The following TECRL variants were observed in gnomAD, a reference collection of about 807,000 sequenced individuals.
TECRL encodes the protein trans-2,3-enoyl-CoA reductase-like.
In TECRL, 63 loss-of-function variants were observed where a neutral mutation model predicts 52.8. The ratio of observed to expected loss-of-function variants is 1.19; its 90% CI spans 0.97 to 1.47. TECRL has a LOEUF of 1.47. TECRL is among the 40% of genes most tolerant of loss of function. The pLI is 0.00. For missense variants in TECRL, 482 were observed against 429.6 expected, an observed-to-expected ratio of 1.12 and a Z score of -1.08; for synonymous variants, 164 against 141.9, an observed-to-expected ratio of 1.16 and a Z score of -1.10.
intron 9 of TECRL, among the ~76,000 whole-genome samples, chr4:64,289,252 G>A (rs1723244509): frequency 6.6e-6 from 1 of 152,008 alleles, no homozygotes; most frequent in Non-Finnish European, 1.5e-5. Flanking sequence ...TGTTCTCCCA[G>A]GCATTGATAT....
intron 2 of TECRL, among the ~76,000 whole-genome samples, chr4:64,355,794 CA>C (rs1161940429): frequency 2.3e-4 from 28 of 119,696 alleles, no homozygotes; most frequent in African/African-American, 2.5e-4. Context: ...GACTCTGTCT[CA>C]AAAAAAAAAA....
intron 6 of TECRL, among the ~76,000 whole-genome samples, chr4:64,308,400 G>A (rs1346669248): frequency 4.6e-5 from 7 of 152,054 alleles, no homozygotes; most frequent in South Asian, 2.1e-4. Flanking sequence ...ACAGGCTTTC[G>A]TTAGGCACTC....
chr4:64,283,410 A>T (rs1722928090), intron 9 of TECRL, among the ~76,000 whole-genome samples: 1 of 152,088 alleles, frequency 6.6e-6, no homozygotes, highest in Admixed American at 6.6e-5. Context: ...GCCTGCAATG[A>T]GTACTCCATA....
At position 64,375,205 on chromosome 4, in the gene TECRL, T is replaced by G. The variant is rs1294718887; in HGVS notation, c.253A>C (p.Ile85Leu). The G allele has an allele frequency of 7.1e-7, 1 of 1,408,004 alleles. No individual in the cohort carries two copies. The highest frequency in any genetic ancestry group is 1.5e-5 in the South Asian group (1 of 65,332). The allele number at this position is 1,408,004 out of a possible 1,614,324, so 87.2% of individuals were successfully genotyped here. Residue 85 changes from isoleucine to leucine, a missense_variant, in exon 2 of 12, where the codon ATT becomes CTT. Physicochemically the swap from Ile to Leu is conservative, Grantham distance 5. Coordinates refer to ENST00000381210, the MANE Select transcript of TECRL (RefSeq NM_001010874.5). ...ILDKVTQSST[I>L]HDVKQKFHKA... Reference sequence around the variant, plus strand: ...TGAAACTTTTGCTTAACATCATGAATAGTAGATGATTGTGTCACCTGAAAA... The same window carrying G: ...TGAAACTTTTGCTTAACATCATGAAGAGTAGATGATTGTGTCACCTGAAAA...
chr4:64,353,336 A>G (rs1447845606), intron 2 of TECRL, among the ~76,000 whole-genome samples: 2 of 152,200 alleles, frequency 1.3e-5, no homozygotes, highest in African/African-American at 2.4e-5. Context: ...GTACTAAAGA[A>G]TGGATAAAAT....
At chr4:64,329,333 G>A (rs1214983297) in intron 2 of TECRL, among the ~76,000 whole-genome samples, 2 of 151,692 alleles carry the variant, frequency 1.3e-5, no homozygotes, top group Non-Finnish European at 2.9e-5. Flanking sequence ...TATTTTTAAA[G>A]GAATTTTCCA....
At chr4:64,396,381 G>T (rs539085974) in intron 1 of TECRL, among the ~76,000 whole-genome samples, 1 of 152,112 alleles carries the variant, frequency 6.6e-6, no homozygotes, top group South Asian at 2.1e-4. Context: ...ATGTGTGATG[G>T]TTTCTCATTG....
intron 1 of TECRL, among the ~76,000 whole-genome samples, chr4:64,393,075 T>C (rs1182836606): frequency 6.6e-6 from 1 of 151,972 alleles, no homozygotes; most frequent in Non-Finnish European, 1.5e-5. Flanking sequence ...TCCCAGAATC[T>C]GGAAATAATA....
At chr4:64,372,104 T>C (rs1447198479) in intron 2 of TECRL, among the ~76,000 whole-genome samples, 1 of 151,844 alleles carries the variant, frequency 6.6e-6, no homozygotes, top group East Asian at 1.9e-4. Context: ...ATGGAATACT[T>C]GTGAGCAGAT....
chr4:64,355,809 AT>A (rs138154667), intron 2 of TECRL, among the ~76,000 whole-genome samples: 90,902 of 138,540 alleles, frequency 0.66, 31,648 homozygotes, highest in Non-Finnish European at 0.76. Context: ...AAAAAAAAGA[AT>A]AAGTTAAAAC....
rs546105226 is a variant in TECRL, at chr4:64,333,902, TAGTCC to T, written c.287-5351_287-5347del. ...AGCCGGGCGCGGTGGCGGGCGCCTG[TAGTCC>T]CAGCTACTCGGGAGGCTGAGGCAGG... On this transcript the variant is annotated intron_variant, in intron 2 of 11. Transcript: ENST00000381210. Among the ~76,000 whole-genome samples, 190 of 141,268 alleles carry T rather than the reference TAGTCC, an allele frequency of 1.3e-3. 19 individuals are homozygous for T. The highest frequency in any genetic ancestry group is 5.2e-3 in the African/African-American group (188 of 35,958). 92.7% of individuals were successfully genotyped at this position (141,268 alleles called of 152,430 possible).
intron 5 of TECRL, among the ~76,000 whole-genome samples, chr4:64,310,879 C>T (rs993936008): frequency 3.3e-5 from 5 of 152,050 alleles, no homozygotes; most frequent in African/African-American, 9.7e-5. Context: ...CCGCCATGCC[C>T]GGCTAATTTT....
intron 6 of TECRL, among the ~76,000 whole-genome samples, chr4:64,308,289 C>T (rs1012005968): frequency 5.9e-5 from 9 of 152,244 alleles, no homozygotes; most frequent in African/African-American, 1.9e-4. Flanking sequence ...AACTCTCCAG[C>T]CACCTGCGCA....
chr4:64,379,720 C>G (rs1479863481), intron 1 of TECRL, among the ~76,000 whole-genome samples: 1 of 152,036 alleles, frequency 6.6e-6, no homozygotes, highest in African/African-American at 2.4e-5. Flanking sequence ...TTTTTAAACC[C>G]CCACACATGA....
chr4:64,298,263 T>G (rs1434915316), intron 8 of TECRL, among the ~76,000 whole-genome samples: 1 of 151,272 alleles, frequency 6.6e-6, no homozygotes, highest in Non-Finnish European at 1.5e-5. Flanking sequence ...CTATTGGACA[T>G]AGTCTATTAC....
At chr4:64,345,847 A>G (rs1719916602) in intron 2 of TECRL, among the ~76,000 whole-genome samples, 1 of 135,624 alleles carries the variant, frequency 7.4e-6, no homozygotes, top group South Asian at 2.4e-4. Context: ...TTGACTACAC[A>G]TTGTAACATC....
At chr4:64,297,358 G>T (rs954444416) in intron 8 of TECRL, among the ~76,000 whole-genome samples, 6 of 151,066 alleles carry the variant, frequency 4.0e-5, no homozygotes, top group African/African-American at 1.2e-4. Flanking sequence ...CAATTTAAAT[G>T]AATAATACTT....
At chr4:64,342,247 C>T (rs900949863) in intron 2 of TECRL, among the ~76,000 whole-genome samples, 3 of 152,108 alleles carry the variant, frequency 2.0e-5, no homozygotes, top group Non-Finnish European at 4.4e-5. Flanking sequence ...TTTTAGTGTA[C>T]ATTTCTCATT....
chr4:64,405,684 A>G (rs1724667742), intron 1 of TECRL, among the ~76,000 whole-genome samples: 1 of 152,116 alleles, frequency 6.6e-6, no homozygotes, highest in Non-Finnish European at 1.5e-5. Context: ...TTTTTAAATT[A>G]TGGAACTCAA....
Sources: allele counts gnomAD v4.1 joint callset (sites outside exome capture counted in the v4.1 genomes callset), GRCh38; gene constraint gnomAD v4.1.1; transcripts MANE v1.5; gene names NCBI Gene and HGNC (gene_info 2026-07-23, HGNC 2026-07-21).